The following LRMDA variants were observed in gnomAD, a reference collection of about 807,000 sequenced individuals.
LRMDA encodes the protein leucine rich melanocyte differentiation associated.
A neutral mutation model predicts 29.8 loss-of-function variants in LRMDA; 18 were observed. The ratio of observed to expected loss-of-function variants is 0.60; its 90% CI spans 0.42 to 0.90. The LOEUF is 0.90. LRMDA is among the 40% of genes least tolerant of loss of function. The pLI, the probability that LRMDA is intolerant of heterozygous loss-of-function variation, is 0.00. For synonymous variants in LRMDA, 125 were observed against 109.4 expected, an observed-to-expected ratio of 1.14 and a Z score of -0.89; for missense variants, 273 against 273.9, an observed-to-expected ratio of 1.00 and a Z score of 0.02.
intron 2 of LRMDA, among the ~76,000 whole-genome samples, chr10:75,543,093 C>T (rs892571910): frequency 6.6e-6 from 1 of 152,174 alleles, no homozygotes; most frequent in Admixed American, 6.5e-5. Context: ...TGCCTAGAGC[C>T]AAGGTCCTTC....
At chr10:75,621,201 C>CAT (rs1841178578) in intron 2 of LRMDA, among the ~76,000 whole-genome samples, 1 of 109,650 alleles carries the variant, frequency 9.1e-6, no homozygotes, top group African/African-American at 3.1e-5. Flanking sequence ...TATTCCATTA[C>CAT]ACACACACAC....
intron 2 of LRMDA, among the ~76,000 whole-genome samples, chr10:75,579,812 G>A (rs1466716343): frequency 1.3e-5 from 2 of 152,128 alleles, no homozygotes; most frequent in African/African-American, 4.8e-5. Context: ...CAGAACCAAT[G>A]ACAAAAATCA....
chr10:75,753,071 G>A (rs1294602137), intron 2 of LRMDA, among the ~76,000 whole-genome samples: 1 of 152,182 alleles, frequency 6.6e-6, no homozygotes, highest in African/African-American at 2.4e-5. Context: ...AGTGGCAGAT[G>A]AGTTGACTTT....
At chr10:76,208,465 C>T (rs1851577197) in intron 5 of LRMDA, among the ~76,000 whole-genome samples, 1 of 152,176 alleles carries the variant, frequency 6.6e-6, no homozygotes, top group Non-Finnish European at 1.5e-5. Flanking sequence ...GGGCAGCCAG[C>T]AAGGAAACAT....
intron 2 of LRMDA, among the ~76,000 whole-genome samples, chr10:75,596,903 G>A (rs2132088321): frequency 6.6e-6 from 1 of 151,890 alleles, no homozygotes; most frequent in Admixed American, 6.5e-5. Flanking sequence ...AAGTGGAATT[G>A]GTGGGGCTTG....
chr10:75,687,679 A>C (rs1234827854), intron 2 of LRMDA, among the ~76,000 whole-genome samples: 1 of 152,230 alleles, frequency 6.6e-6, no homozygotes, highest in Non-Finnish European at 1.5e-5. Context: ...ACATATTTTC[A>C]ATGTAGTTGG....
At chr10:76,177,408 A>AG (rs1850959330) in intron 5 of LRMDA, among the ~76,000 whole-genome samples, 1 of 145,428 alleles carries the variant, frequency 6.9e-6, no homozygotes, top group Non-Finnish European at 1.5e-5. Context: ...AGACAAAAAA[A>AG]AAACAACAAA....
intron 2 of LRMDA, among the ~76,000 whole-genome samples, chr10:76,027,306 C>T (rs1848078565): frequency 6.6e-6 from 1 of 152,194 alleles, no homozygotes; most frequent in Non-Finnish European, 1.5e-5. Flanking sequence ...TCTTCCCAGA[C>T]ACTGCTCTTT....
At chr10:75,438,143 A>C (rs900232873) in intron 1 of LRMDA, among the ~76,000 whole-genome samples, 1 of 152,208 alleles carries the variant, frequency 6.6e-6, no homozygotes, top group Non-Finnish European at 1.5e-5. Context: ...GGCCAATTTT[A>C]GTCCAATTTC....
intron 2 of LRMDA, among the ~76,000 whole-genome samples, chr10:75,564,849 G>A (rs1589187053): frequency 6.6e-6 from 1 of 152,190 alleles, no homozygotes; most frequent in Admixed American, 6.5e-5. Context: ...CTTCAAAGGT[G>A]ATCTTTTTGC....
intron 5 of LRMDA, among the ~76,000 whole-genome samples, chr10:76,221,843 G>C (rs968710434): frequency 1.3e-5 from 2 of 152,016 alleles, no homozygotes; most frequent in Admixed American, 1.3e-4. Context: ...AAAGCTGGAG[G>C]CATCACACTA....
chr10:75,861,696 C>T (rs769185314), intron 2 of LRMDA, among the ~76,000 whole-genome samples: 1 of 152,192 alleles, frequency 6.6e-6, no homozygotes, highest in Non-Finnish European at 1.5e-5. Context: ...CTTTATCCCT[C>T]TAGAGGGAAG....
intron 6 of LRMDA, among the ~76,000 whole-genome samples, chr10:76,408,903 A>T (rs918505201): frequency 1.3e-5 from 2 of 152,168 alleles, no homozygotes; most frequent in African/African-American, 4.8e-5. Context: ...ATGGCTTCGG[A>T]ACCCTGGGCT....
chr10:76,132,115 G>A (rs1850004528), intron 5 of LRMDA, among the ~76,000 whole-genome samples: 2 of 152,126 alleles, frequency 1.3e-5, no homozygotes, highest in Admixed American at 6.5e-5. Context: ...AGGAGTGTGA[G>A]GTTAGATTTG....
chr10:75,646,319 G>A (rs951471376), intron 2 of LRMDA, among the ~76,000 whole-genome samples: 6 of 152,012 alleles, frequency 3.9e-5, no homozygotes, highest in Admixed American at 1.3e-4. Context: ...GGATAGGCGC[G>A]GCCACCATTT....
At chr10:75,863,643 A>G (rs1401302832) in intron 2 of LRMDA, among the ~76,000 whole-genome samples, 1 of 152,260 alleles carries the variant, frequency 6.6e-6, no homozygotes. Context: ...CAACCTTGGT[A>G]AAATGAACAA....
intron 2 of LRMDA, among the ~76,000 whole-genome samples, chr10:75,741,849 A>G (rs977017347): frequency 6.6e-6 from 1 of 152,196 alleles, no homozygotes; most frequent in African/African-American, 2.4e-5. Flanking sequence ...CCCCAGTGTG[A>G]TGGTTTTAGG....
chr10:75,838,988 A>G (rs1844488293), intron 2 of LRMDA, among the ~76,000 whole-genome samples: 1 of 152,208 alleles, frequency 6.6e-6, no homozygotes, highest in South Asian at 2.1e-4. Flanking sequence ...GTGGATGGAG[A>G]AATACAATGG....
At chr10:75,956,925 G>A (rs1374385083) in intron 2 of LRMDA, among the ~76,000 whole-genome samples, 1 of 152,226 alleles carries the variant, frequency 6.6e-6, no homozygotes, top group East Asian at 1.9e-4. Flanking sequence ...ATGAAGAAGT[G>A]TGCAAGGAGG....
Sources: gnomAD v4.1 joint callset for allele counts (sites outside exome capture counted in the v4.1 genomes callset) on GRCh38, gnomAD v4.1.1 for gene constraint, MANE v1.5 for transcripts, NCBI Gene and HGNC (gene_info 2026-07-23, HGNC 2026-07-21) for gene names.